Variants in LRMDA observed in about 807,000 individuals in gnomAD.
LRMDA encodes leucine-rich melanocyte differentiation-associated protein.
Under a neutral mutation model 29.8 loss-of-function variants are expected in LRMDA, and 18 were observed. The observed-to-expected ratio is 0.60, with a 90% CI of 0.42 to 0.90. The LOEUF is 0.90. Ranked by LOEUF, LRMDA falls within the 40% of genes least tolerant of loss-of-function variation. The pLI, the probability that LRMDA is intolerant of heterozygous loss-of-function variation, is 0.00. For missense variants in LRMDA, 273 were observed against 273.9 expected, an observed-to-expected ratio of 1.00 and a Z score of 0.02; for synonymous variants, 125 against 109.4, an observed-to-expected ratio of 1.14 and a Z score of -0.89.
At chr10:76,053,324 T>C (rs947280647) in intron 4 of LRMDA, among the ~76,000 whole-genome samples, 1 of 152,182 alleles carries the variant, frequency 6.6e-6, no homozygotes, top group Non-Finnish European at 1.5e-5. Flanking sequence ...CCTTCCCGCA[T>C]TGTTAACTGA....
At chr10:76,369,098 T>G (rs1841424636) in intron 6 of LRMDA, among the ~76,000 whole-genome samples, 1 of 152,236 alleles carries the variant, frequency 6.6e-6, no homozygotes, top group Admixed American at 6.5e-5. Flanking sequence ...GCCATTTACA[T>G]TCAATGTTAG....
At chr10:76,438,678 A>G (rs1335922531) in intron 6 of LRMDA, 2 of 152,226 alleles carry the variant, frequency 1.3e-5, no homozygotes, top group Non-Finnish European at 2.9e-5. Context: ...CAGTGGTGTC[A>G]GTTTAGAGAT....
At chr10:75,782,196 A>G (rs1297135901) in intron 2 of LRMDA, among the ~76,000 whole-genome samples, 1 of 152,098 alleles carries the variant, frequency 6.6e-6, no homozygotes, top group African/African-American at 2.4e-5. Context: ...TTAATCCATA[A>G]TTTTCTCACT....
At chr10:76,343,268 C>T (rs931908099) in intron 6 of LRMDA, among the ~76,000 whole-genome samples, 3 of 152,098 alleles carry the variant, frequency 2.0e-5, no homozygotes, top group African/African-American at 4.8e-5. Flanking sequence ...TACATAAGGC[C>T]TTTACAGAAA....
chr10:75,519,776 C>G (rs1338066661), intron 2 of LRMDA, among the ~76,000 whole-genome samples: 1 of 152,162 alleles, frequency 6.6e-6, no homozygotes, highest in East Asian at 1.9e-4. Context: ...TTCATAGCAT[C>G]CATGGTCTTT....
At chr10:75,936,227 T>C (rs1846290401) in intron 2 of LRMDA, among the ~76,000 whole-genome samples, 2 of 152,018 alleles carry the variant, frequency 1.3e-5, no homozygotes, top group Non-Finnish European at 2.9e-5. Context: ...AATGTGCATA[T>C]GTGGATAGGG....
At chr10:76,012,497 T>A (rs1250377107) in intron 2 of LRMDA, among the ~76,000 whole-genome samples, 2 of 152,174 alleles carry the variant, frequency 1.3e-5, no homozygotes, top group African/African-American at 4.8e-5. Context: ...GAGTCTTTTT[T>A]AAACTTTAAT....
chr10:75,608,557 G>C (rs1300299331), intron 2 of LRMDA, among the ~76,000 whole-genome samples: 1 of 152,056 alleles, frequency 6.6e-6, no homozygotes, highest in Non-Finnish European at 1.5e-5. Flanking sequence ...ATAATGTTCA[G>C]TTCACTAATG....
chr10:75,646,667 C>T (rs1471038439), intron 2 of LRMDA, among the ~76,000 whole-genome samples: 1 of 152,170 alleles, frequency 6.6e-6, no homozygotes, highest in Non-Finnish European at 1.5e-5. Context: ...TAATCAGCCC[C>T]CTCTACGGAA....
At chr10:75,719,858 C>A (rs1293715367) in intron 2 of LRMDA, among the ~76,000 whole-genome samples, 2 of 152,128 alleles carry the variant, frequency 1.3e-5, no homozygotes, top group African/African-American at 4.8e-5. Context: ...ACTTTATAAG[C>A]TGGATATGGT....
chr10:76,357,317 C>T (rs1451229512), intron 6 of LRMDA, among the ~76,000 whole-genome samples: 1 of 152,162 alleles, frequency 6.6e-6, no homozygotes, highest in Non-Finnish European at 1.5e-5. Flanking sequence ...GATCCAGATT[C>T]TGGGTTTAAA....
At chr10:76,474,149 G>C (rs1842644394) in intron 6 of LRMDA, among the ~76,000 whole-genome samples, 1 of 151,582 alleles carries the variant, frequency 6.6e-6, no homozygotes, top group Non-Finnish European at 1.5e-5. Context: ...TCAGGTAACT[G>C]GATAGTCACT....
chr10:75,751,639 C>T (rs1389059547), intron 2 of LRMDA, among the ~76,000 whole-genome samples: 1 of 152,160 alleles, frequency 6.6e-6, no homozygotes, highest in Non-Finnish European at 1.5e-5. Context: ...ATGTTGGTGG[C>T]TATTGCTATG....
intron 2 of LRMDA, among the ~76,000 whole-genome samples, chr10:75,463,006 T>G (rs1844605466): frequency 6.6e-6 from 1 of 152,094 alleles, no homozygotes; most frequent in Non-Finnish European, 1.5e-5. Context: ...TCCTGGTGGG[T>G]TTAGATGCAG....
At chr10:76,459,907 G>A (rs954700077) in intron 6 of LRMDA, among the ~76,000 whole-genome samples, 5 of 152,174 alleles carry the variant, frequency 3.3e-5, no homozygotes, top group African/African-American at 1.2e-4. Context: ...ATGAGAAATT[G>A]TGAGTGACAG....
At chr10:75,448,616 G>A (rs1216523448) in intron 2 of LRMDA, among the ~76,000 whole-genome samples, 2 of 152,214 alleles carry the variant, frequency 1.3e-5, no homozygotes, top group African/African-American at 4.8e-5. Context: ...TTTAGTGGGT[G>A]AGGCCAGGGA....
chr10:76,305,316 A>T (rs10824391), intron 5 of LRMDA, among the ~76,000 whole-genome samples: 23,663 of 152,258 alleles, frequency 0.16, 3,088 homozygotes, highest in African/African-American at 0.36. Context: ...AGTAGATGGT[A>T]GAACGGAGTC....
intron 5 of LRMDA, among the ~76,000 whole-genome samples, chr10:76,185,153 G>A (rs1254697430): frequency 6.6e-6 from 1 of 152,154 alleles, no homozygotes; most frequent in East Asian, 1.9e-4. Flanking sequence ...ATGGACAATG[G>A]TCAGTAATGA....
chr10:75,766,614 C>T (rs1381485106), intron 2 of LRMDA, among the ~76,000 whole-genome samples: 10 of 151,316 alleles, frequency 6.6e-5, no homozygotes, highest in Admixed American at 2.6e-4. Context: ...TGATTTATTT[C>T]CTGTTTTATT....
Sources: allele counts gnomAD v4.1 joint callset (sites outside exome capture counted in the v4.1 genomes callset), GRCh38; gene constraint gnomAD v4.1.1; transcripts MANE v1.5; gene names NCBI Gene and HGNC (gene_info 2026-07-23, HGNC 2026-07-21).